MDFIC: variants seen among roughly 807,000 people sequenced by gnomAD.
MDFIC encodes the protein myoD family inhibitor domain-containing protein.
Under a neutral mutation model 23.2 loss-of-function variants are expected in MDFIC, and 17 were observed. The ratio of observed to expected loss-of-function variants is 0.73; its 90% CI spans 0.50 to 1.10. MDFIC has a LOEUF of 1.10. Among genes scored for constraint, MDFIC ranks in the 50% least tolerant of loss-of-function variants. MDFIC has a pLI of 0.00. For synonymous variants in MDFIC, 120 were observed against 115.2 expected (o/e 1.04, Z -0.27); for missense variants, 356 against 316.6 (o/e 1.12, Z -0.95).
At chr7:115,006,863 C>A (rs1332696807) in intron 4 of MDFIC, among the ~76,000 whole-genome samples, 1 of 152,088 alleles carries the variant, frequency 6.6e-6, no homozygotes, top group African/African-American at 2.4e-5. Flanking sequence ...ATTATTTAAA[C>A]TTCTTATATT....
At chr7:115,015,430 G>A (rs1347122218) in intron 4 of MDFIC, among the ~76,000 whole-genome samples, 2 of 151,908 alleles carry the variant, frequency 1.3e-5, no homozygotes, top group Admixed American at 6.6e-5. Flanking sequence ...GTTTGTGAGA[G>A]TAATAATCTA....
intron 2 of MDFIC, among the ~76,000 whole-genome samples, chr7:114,940,611 A>G (rs1033777472): frequency 2.0e-5 from 3 of 152,362 alleles, no homozygotes; most frequent in Non-Finnish European, 4.4e-5. Flanking sequence ...AAGTTTAGAA[A>G]GATGACTATT....
chr7:114,992,257 G>A (rs1373255886), intron 4 of MDFIC, among the ~76,000 whole-genome samples: 6 of 152,182 alleles, frequency 3.9e-5, no homozygotes, highest in Non-Finnish European at 7.3e-5. Context: ...GGGCTGAGAC[G>A]ATGGGGTTTT....
intron 2 of MDFIC, among the ~76,000 whole-genome samples, chr7:114,929,107 T>TATCTATCTATCTATC (rs1563134669): frequency 6.6e-6 from 1 of 151,084 alleles, no homozygotes; most frequent in Non-Finnish European, 1.5e-5. Flanking sequence ...ATCTATCATC[T>TATCTATCTATCTATC]ATCTATCTAT....
chr7:114,931,911 C>A (rs1479768390), intron 2 of MDFIC, among the ~76,000 whole-genome samples: 1 of 152,160 alleles, frequency 6.6e-6, no homozygotes, highest in Non-Finnish European at 1.5e-5. Flanking sequence ...AAGGAACCAG[C>A]TTCCTCTCTT....
intron 4 of MDFIC, among the ~76,000 whole-genome samples, chr7:114,997,099 C>G (rs1791348877): frequency 6.6e-6 from 1 of 152,118 alleles, no homozygotes; most frequent in Admixed American, 6.5e-5. Flanking sequence ...GACCTTCACC[C>G]TTTTAGTGTT....
At chr7:115,013,388 T>C (rs1441313793) in intron 4 of MDFIC, among the ~76,000 whole-genome samples, 2 of 152,206 alleles carry the variant, frequency 1.3e-5, no homozygotes, top group African/African-American at 4.8e-5. Flanking sequence ...ATCCATTATA[T>C]ATAGTTCTAT....
intron 2 of MDFIC, among the ~76,000 whole-genome samples, chr7:114,932,917 T>G (rs1312237882): frequency 6.6e-6 from 1 of 152,230 alleles, no homozygotes; most frequent in Non-Finnish European, 1.5e-5. Context: ...TTTGTGCCTT[T>G]GCCACTATTT....
chr7:114,991,984 A>T (rs1014608946), intron 4 of MDFIC, among the ~76,000 whole-genome samples: 1 of 152,246 alleles, frequency 6.6e-6, no homozygotes, highest in African/African-American at 2.4e-5. Context: ...GTGCATGAGC[A>T]TGAAATGTTC....
chr7:115,012,144 G>C (rs1562830767), intron 4 of MDFIC, among the ~76,000 whole-genome samples: 1 of 152,052 alleles, frequency 6.6e-6, no homozygotes, highest in Non-Finnish European at 1.5e-5. Flanking sequence ...TTTTAATTAA[G>C]ACAAGTCACA....
intron 1 of MDFIC, 76 bp from the exon 2 acceptor site, chr7:114,922,851 A>G: frequency 3.5e-6 from 5 of 1,441,630 alleles, no homozygotes; most frequent in East Asian, 5.5e-5. Context: ...GTGGAGGGGG[A>G]GGGAACGTCC....
chr7:115,007,647 T>G (rs952526038), intron 4 of MDFIC, among the ~76,000 whole-genome samples: 17 of 142,096 alleles, frequency 1.2e-4, no homozygotes, highest in African/African-American at 4.6e-4. Context: ...TATATATATA[T>G]ATATATATAT....
chr7:114,999,513 G>T (rs917138801), intron 4 of MDFIC, among the ~76,000 whole-genome samples: 6 of 151,630 alleles, frequency 4.0e-5, no homozygotes, highest in African/African-American at 1.5e-4. Flanking sequence ...TCTTAGAAAT[G>T]CTTTTATTTT....
chr7:114,923,109 C>T lies in MDFIC; in HGVS notation c.76C>T (p.Leu26=), dbSNP rs1254420678. 1.3e-4 allele frequency: 184 copies of T among 1,468,594 alleles called. 1 individual carries two copies. The highest frequency in any genetic ancestry group is 1.6e-4 in the Non-Finnish European group (176 of 1,113,464). The allele number at this position is 1,468,594 out of a possible 1,614,324, so 91.0% of individuals were successfully genotyped here. Reference sequence around the variant, plus strand: ...CGTGGCCGAGGCGGGCGGCGGCCAGCTGGGCTCCACAGCCCAGGGTGAGTG... The same window carrying T: ...CGTGGCCGAGGCGGGCGGCGGCCAGTTGGGCTCCACAGCCCAGGGTGAGTG... ...QRVAEAGGGQ[L]GSTAQGKCDK... is the part of the protein sequence containing the mutation. Residue 26 remains leucine (L), a synonymous_variant, in exon 2 of 5, where the codon CTG becomes TTG. Transcript: ENST00000393486.
In MDFIC at chr7:114,963,025, G is replaced by T. The variant is rs151272145; in HGVS notation, c.218-16481G>T. On this transcript the variant is annotated intron_variant, in intron 3 of 4. Coordinates refer to ENST00000393486, the MANE Select transcript of MDFIC (RefSeq NM_001166345.3). Reference sequence around the variant, plus strand: ...AAAGTGTTTTCTAATATTCCAAATTGTGGTTGTATTTTACATTTATATACA... The same window carrying T: ...AAAGTGTTTTCTAATATTCCAAATTTTGGTTGTATTTTACATTTATATACA... Among the ~76,000 whole-genome samples, 705 of 152,250 alleles carry T rather than the reference G, an allele frequency of 4.6e-3. 6 individuals carry two copies. Among genetic ancestry groups the T allele is most frequent in the African/African-American group, 0.016 (677 of 41,534 alleles).
At position 115,019,476 on chromosome 7, in the gene MDFIC, G is replaced by A. The variant is rs1007395384; in HGVS notation, c.*3541G>A. ...TGCCCTAGATTCTAATGTTATAAAC[G>A]TCAAACATCACTGCCCAACATAAAT... On this transcript the variant is annotated 3_prime_UTR_variant, in exon 5 of 5. Transcript: ENST00000393486. Among the ~76,000 whole-genome samples, 2 of 151,924 alleles carry A rather than the reference G, an allele frequency of 1.3e-5. No homozygotes were observed. Among genetic ancestry groups the A allele is most frequent in the East Asian group, 1.9e-4 (1 of 5,198 alleles).
At chr7:114,951,166 A>G (rs1300219554) in intron 3 of MDFIC, among the ~76,000 whole-genome samples, 1 of 152,202 alleles carries the variant, frequency 6.6e-6, no homozygotes, top group Non-Finnish European at 1.5e-5. Flanking sequence ...AGCATGGGTG[A>G]CAGAGGGAGA....
rs1792116344 is a variant in MDFIC at position 114,922,967 on chromosome 7, C to T, written c.-67C>T. 1 of 1,557,832 alleles carries T rather than the reference C, an allele frequency of 6.4e-7. No homozygotes were observed. The highest frequency in any genetic ancestry group is 2.6e-5 in the East Asian group (1 of 38,394). On this transcript the variant is annotated 5_prime_UTR_variant, in exon 2 of 5. Transcript: ENST00000393486. ...TGCACCCAGCACCTCACAGCCCTTC[C>T]TCCGTGCGCCCTGCCGGGCGGCGAG...
At chr7:114,992,191 C>T (rs901347220) in intron 4 of MDFIC, among the ~76,000 whole-genome samples, 3 of 152,174 alleles carry the variant, frequency 2.0e-5, no homozygotes, top group East Asian at 3.9e-4. Context: ...GATTTTTGCA[C>T]ATTGATTTTT....
Sources: allele counts gnomAD v4.1 joint callset (sites outside exome capture counted in the v4.1 genomes callset), GRCh38; gene constraint gnomAD v4.1.1; transcripts MANE v1.5; gene names NCBI Gene and HGNC (gene_info 2026-07-23, HGNC 2026-07-21).